Variants in DNAH1 observed in about 807,000 individuals in gnomAD.
The protein encoded by DNAH1 is dynein axonemal heavy chain 1.
DNAH1 carries 327 observed loss-of-function variants against 484.3 expected under a neutral mutation model. The observed-to-expected ratio is 0.68, with a 90% CI of 0.62 to 0.74. The LOEUF is 0.74. Ranked by LOEUF, DNAH1 falls within the 30% of genes least tolerant of loss-of-function variation. The pLI is 0.00. For missense variants in DNAH1, 5,052 were observed against 5,546.8 expected (o/e 0.91, Z 2.83); for synonymous variants, 2,192 against 2,191.9 (o/e 1.00, Z 0.00).
In DNAH1 at chr3:52,355,889, A is replaced by G. The variant is rs1456923634; in HGVS notation, c.3694-725A>G. 1.3e-5 allele frequency among the ~76,000 whole-genome samples: 2 copies of G among 152,128 alleles called. No homozygotes were observed. The highest frequency in any genetic ancestry group is 2.9e-5 in the Non-Finnish European group (2 of 68,008). ...ATTGTCGGTGCCTCTTTCAGAGTCC[A>G]CTACACATGCCGGGCCCATGATTCA... On this transcript the variant is annotated intron_variant, in intron 21 of 77. Coordinates refer to ENST00000420323, the MANE Select transcript of DNAH1 (RefSeq NM_015512.5). The surrounding 1 kb of genome is among the most constrained non-coding windows in gnomAD (Gnocchi z 4.5).
chr3:52,340,695 A>G (rs1431229689), intron 8 of DNAH1, among the ~76,000 whole-genome samples: 1 of 152,100 alleles, frequency 6.6e-6, no homozygotes, highest in African/African-American at 2.4e-5. Flanking sequence ...TCGGCCTCCC[A>G]AAGTGCTGGG....
At chr3:52,339,759 GT>G (rs1290841536) in intron 8 of DNAH1, among the ~76,000 whole-genome samples, 1 of 151,308 alleles carries the variant, frequency 6.6e-6, no homozygotes, top group Non-Finnish European at 1.5e-5. Context: ...TTGCACATTA[GT>G]TTTTTTTGTT....
chr3:52,317,171 C>T (rs1021558793), intron 1 of DNAH1, among the ~76,000 whole-genome samples: 5 of 152,272 alleles, frequency 3.3e-5, no homozygotes, highest in East Asian at 1.9e-4. Context: ...CTTCAGGCCA[C>T]GTCAACTAAG....
intron 32 of DNAH1, 87 bp downstream of exon 32, chr3:52,363,231 A>G: frequency 1.9e-6 from 3 of 1,544,466 alleles, no homozygotes; most frequent in Non-Finnish European, 2.6e-6. Context: ...GCCAGGCTCT[A>G]TGCCCGGTGC....
chr3:52,389,697 C>G, intron 60 of DNAH1, 111 bp downstream of exon 60: 1 of 1,205,450 alleles, frequency 8.3e-7, no homozygotes, highest in Non-Finnish European at 1.1e-6. Context: ...TGGCTCGGAG[C>G]TGCCTCTGCT....
rs370365338 is a variant in DNAH1, at chr3:52,355,093, C to G, written c.3693+38C>G. The G allele has an allele frequency of 1.9e-6, 3 of 1,595,506 alleles. No individual in the cohort carries two copies. Among genetic ancestry groups the G allele is most frequent in the Admixed American group, 1.7e-5 (1 of 59,946 alleles). On this transcript the variant is annotated intron_variant, in intron 21 of 77. Coordinates refer to ENST00000420323, the MANE Select transcript of DNAH1 (RefSeq NM_015512.5). This position sits in a 1 kb window ranked among gnomAD's most constrained non-coding sequence, Gnocchi z 4.5. ...CCCAGTCCTTCCCTCATCGCTCCCC[C>G]ACTTCAGAGAGCCCGACCCACAGGT...
chr3:52,378,797 C>G lies in DNAH1; in HGVS notation c.7377+17C>G, dbSNP rs758941523. On this transcript the variant is annotated intron_variant, in intron 47 of 77. Transcript: ENST00000420323. ...AAGGTCGAGGTGAGGACCAGGCAGG[C>G]ACCCTCCCCAGTGCCCACACTGCTC... 4.3e-6 allele frequency: 7 copies of G among 1,612,916 alleles called. No homozygotes were observed. In the East Asian group the frequency reaches 1.6e-4, roughly 36 times the overall value.
At position 52,395,623 on chromosome 3, in the gene DNAH1, C is replaced by T; in HGVS notation, c.11204C>T (p.Ala3735Val). 1 of 1,613,928 alleles carries T rather than the reference C, an allele frequency of 6.2e-7. No homozygotes were observed. The highest frequency in any genetic ancestry group is 2.2e-5 in the East Asian group (1 of 44,878). ...GTCTTCTTCCAGAACTGCCACCTGG[C>T]ACCAAGCTGGATGCCAGCCCTAGAA... ...KWVFFQNCHLAPSWMPALERL... is the reference protein window; with the variant it reads ...KWVFFQNCHLVPSWMPALERL... Residue 3735 changes from alanine (A) to valine (V), a missense_variant, in exon 70 of 78, where the codon GCA becomes GTA. Ala to Val is a moderately conservative substitution (Grantham distance 64). This residue lies in a region of DNAH1 where 853 missense variants were observed against 899.0 expected (regional missense o/e 0.95). Transcript: ENST00000420323. The surrounding 1 kb of genome is among the most constrained non-coding windows in gnomAD (Gnocchi z 4.4).
chr3:52,344,701 C>A, intron 9 of DNAH1, 54 bp downstream of exon 9: 1 of 1,554,396 alleles, frequency 6.4e-7, no homozygotes, highest in South Asian at 1.2e-5. Context: ...GGCCAGAGCC[C>A]CCTCCCACCT....
rs1045758136 is a variant in DNAH1 at position 52,366,774 on chromosome 3, G to A, written c.5652G>A (p.Gly1884=). The A allele has an allele frequency of 8.1e-6, 13 of 1,613,830 alleles. No homozygotes were observed. Among genetic ancestry groups the A allele is most frequent in the African/African-American group, 2.7e-5 (2 of 75,034 alleles). The stretch of plus-strand genomic sequence containing the variant: ...CAGCTGCCATGACGTCACTGAAAGG[G>A]CAGCCATCCATCAGTGGTGGCATGT... The part of the protein sequence containing the change: ...VLAAAMTSLK[G]QPSISGGMYE... The change falls in exon 36 of 78, where the codon GGG becomes GGA. Residue 1884 remains glycine (G), a synonymous_variant. Coordinates refer to ENST00000420323, the MANE Select transcript of DNAH1 (RefSeq NM_015512.5).
intron 37 of DNAH1, 50 bp from the exon 38 acceptor site, chr3:52,369,775 G>C: frequency 6.4e-7 from 1 of 1,563,190 alleles, no homozygotes; most frequent in Middle Eastern, 1.8e-4. Flanking sequence ...CCTTTCTCCA[G>C]GCCTGAGGAC....
intron 6 of DNAH1, among the ~76,000 whole-genome samples, chr3:52,330,263 G>A (rs548824173): frequency 9.8e-5 from 15 of 152,304 alleles, no homozygotes; most frequent in African/African-American, 3.6e-4. Flanking sequence ...GGACAAAGTC[G>A]CTCCTGCCCT....
chr3:52,352,061 C>T lies in DNAH1; in HGVS notation c.2829C>T (p.Ile943=). The stretch of plus-strand genomic sequence containing the variant: ...AGGAGAAGTTCCGCAAAATCCAGAT[C>T]ATGGATCAGAACAACTTCCAAGAGA... ...EDEEKFRKIQ[I]MDQNNFQEKL... is the part of the protein sequence containing the mutation. Residue 943 remains isoleucine (I), a synonymous_variant, in exon 17 of 78, where the codon ATC becomes ATT. Coordinates refer to ENST00000420323, the MANE Select transcript of DNAH1 (RefSeq NM_015512.5). The T allele has an allele frequency of 1.9e-6, 3 of 1,588,064 alleles. No homozygotes were observed. The highest frequency in any genetic ancestry group is 2.6e-6 in the Non-Finnish European group (3 of 1,167,392).
intron 22 of DNAH1, 148 bp downstream of exon 22, chr3:52,356,926 G>C: frequency 1.9e-6 from 2 of 1,030,722 alleles, no homozygotes; most frequent in Non-Finnish European, 2.8e-6. Context: ...CCTCCAGAGT[G>C]GGCTCCCCAG....
At position 52,386,809 on chromosome 3, in the gene DNAH1, C is replaced by T. The variant is rs1467960795; in HGVS notation, c.8959C>T (p.Gln2987Ter). 1.3e-6 allele frequency: 2 copies of T among 1,591,236 alleles called. No homozygotes were observed. Among genetic ancestry groups the T allele is most frequent in the Admixed American group, 1.8e-5 (1 of 56,822 alleles). Residue 2987 changes from glutamine (Q) to a stop codon, truncating the protein, a stop_gained, in exon 56 of 78, where the codon CAG becomes TAG. Transcript: ENST00000420323. LOFTEE classifies it high-confidence loss of function. ...CTGGGAGCCTGGCAAGGGGCTGCTG[C>T]AGGACCCGGGCCACTTCCTTGAGAG... ...DYWEPGKGLL[Q>*]DPGHFLESLF...
intron 39 of DNAH1, 111 bp from the exon 40 acceptor site, chr3:52,370,366 T>C (rs1559541048): frequency 6.4e-7 from 1 of 1,558,142 alleles, no homozygotes; most frequent in Non-Finnish European, 8.8e-7. Context: ...TCCAATTGGC[T>C]GTAGAGAAAC....
rs1468064111 is a variant in DNAH1 at position 52,358,627 on chromosome 3, T to C, written c.4156T>C (p.Phe1386Leu). 6.2e-7 allele frequency: 1 copy of C among 1,613,250 alleles called. No individual in the cohort carries two copies. Among genetic ancestry groups the C allele is most frequent in the Admixed American group, 1.7e-5 (1 of 59,994 alleles). Residue 1386 changes from phenylalanine (F) to leucine (L), a missense_variant, in exon 25 of 78, where the codon TTC becomes CTC. By Grantham distance (22) the Phe-to-Leu change is conservative. Around this residue, in one of 4 missense-constraint regions of DNAH1, gnomAD observed 2,929 missense variants for 3,409.4 expected, o/e 0.86. Coordinates refer to ENST00000420323, the MANE Select transcript of DNAH1 (RefSeq NM_015512.5). The surrounding 1 kb of genome is among the most constrained non-coding windows in gnomAD (Gnocchi z 4.2). ...SAEGEEVQLC[F>L]SIYPSSNVED... ...CGAGGGGGAGGAGGTACAGTTGTGC[T>C]TCTCCATCTACCCCTCCAGCAACGT... is the stretch of plus-strand genomic sequence containing the variant.
intron 1 of DNAH1, among the ~76,000 whole-genome samples, chr3:52,319,908 T>C (rs1701083643): frequency 6.6e-6 from 1 of 152,164 alleles, no homozygotes. Flanking sequence ...CCAGCTTGCA[T>C]GGAGGGAAAC....
chr3:52,361,778 G>T lies in DNAH1; in HGVS notation c.4980+12G>T. 1 of 1,591,706 alleles carries T rather than the reference G, an allele frequency of 6.3e-7. No individual in the cohort carries two copies. The highest frequency in any genetic ancestry group is 1.7e-4 in the Middle Eastern group (1 of 6,042). On this transcript the variant is annotated intron_variant, in intron 30 of 77. Transcript: ENST00000420323. This position sits in a 1 kb window ranked among gnomAD's most constrained non-coding sequence, Gnocchi z 5.6. ...CGCAGCAGCAGCGGGTGAGCCCGGG[G>T]GACCCACCTTACTCCCTCAGATCTG...
Sources: allele counts gnomAD v4.1 joint callset (sites outside exome capture counted in the v4.1 genomes callset), GRCh38; gene constraint gnomAD v4.1.1; regional missense constraint gnomAD v4.1.1; non-coding constraint Gnocchi (gnomAD v3.1); transcripts MANE v1.5; gene names NCBI Gene and HGNC (gene_info 2026-07-23, HGNC 2026-07-21).